Variants in HYCC2 observed in about 807,000 individuals in gnomAD.
The protein encoded by HYCC2 is hyccin PI4KA lipid kinase complex subunit 2.
At chr2:201,012,434 T>C in the HYCC2 span, among the ~76,000 whole-genome samples, 2 of 152,030 alleles carry the variant, frequency 1.3e-5, no homozygotes, top group Non-Finnish European at 2.9e-5. Context: ...CACTCCAGCA[T>C]GGGTGACAGA....
At chr2:200,987,424 A>T in the HYCC2 span, 1 of 1,289,666 alleles carries the variant, frequency 7.8e-7, no homozygotes, top group Non-Finnish European at 1.0e-6. Flanking sequence ...GGTCCTGCGC[A>T]CCAGCACCTC....
chr2:201,043,796 C>T, the HYCC2 span, among the ~76,000 whole-genome samples: 3 of 152,260 alleles, frequency 2.0e-5, no homozygotes, highest in East Asian at 1.9e-4. Context: ...GTGTGAGCCA[C>T]CGCGCCTGGC....
chr2:201,064,053 T>A, the HYCC2 span: 3 of 1,589,246 alleles, frequency 1.9e-6, no homozygotes, highest in African/African-American at 2.7e-5. Context: ...AGATTTTAAT[T>A]AGGAAACAAA....
At chr2:200,981,189 C>A in the HYCC2 span, 2 of 1,482,732 alleles carry the variant, frequency 1.3e-6, no homozygotes, top group Non-Finnish European at 1.8e-6. This position sits in a 1 kb window ranked among gnomAD's most constrained non-coding sequence, Gnocchi z 4.5. Context: ...AATATTTTCA[C>A]AATGTGGGAT....
At chr2:201,038,882 C>A in the HYCC2 span, among the ~76,000 whole-genome samples, 5 of 151,258 alleles carry the variant, frequency 3.3e-5, no homozygotes, top group African/African-American at 1.2e-4. Context: ...TACTCTAAAA[C>A]TTAAAGTATA....
At chr2:201,056,238 C>T in the HYCC2 span, among the ~76,000 whole-genome samples, 3 of 152,088 alleles carry the variant, frequency 2.0e-5, no homozygotes, top group Non-Finnish European at 2.9e-5. Context: ...GCACTGTGCA[C>T]AGTGGAACTC....
the HYCC2 span, among the ~76,000 whole-genome samples, chr2:201,016,179 T>C: frequency 2.6e-5 from 4 of 151,864 alleles, no homozygotes; most frequent in East Asian, 7.7e-4. Flanking sequence ...CAATCAATTA[T>C]AGTAGTTTTA....
the HYCC2 span, among the ~76,000 whole-genome samples, chr2:201,024,923 A>G: frequency 6.6e-6 from 1 of 152,058 alleles, no homozygotes; most frequent in African/African-American, 2.4e-5. Context: ...AGCCTGGGCA[A>G]CATGGTGAGA....
At chr2:201,051,691 G>A in the HYCC2 span, among the ~76,000 whole-genome samples, 10 of 152,248 alleles carry the variant, frequency 6.6e-5, no homozygotes, top group Middle Eastern at 3.4e-3. Flanking sequence ...TAAATAAAGC[G>A]GAGGATATAC....
chr2:201,042,877 G>A, the HYCC2 span, among the ~76,000 whole-genome samples: 2 of 148,504 alleles, frequency 1.3e-5, no homozygotes, highest in Non-Finnish European at 3.0e-5. Flanking sequence ...CTGCCCGGCC[G>A]CCCCGTCTGG....
chr2:200,988,180 A>G, the HYCC2 span: 1 of 1,200,366 alleles, frequency 8.3e-7, no homozygotes, highest in Non-Finnish European at 1.1e-6. Context: ...GGGTCTTTTA[A>G]TATCACGTGC....
chr2:201,069,579 C>CACACACAA, the HYCC2 span, among the ~76,000 whole-genome samples: 161 of 142,466 alleles, frequency 1.1e-3, 1 homozygote, highest in African/African-American at 4.4e-3. Flanking sequence ...CACACACACA[C>CACACACAA]ACACACACAC....
chr2:201,016,511 G>A, the HYCC2 span, among the ~76,000 whole-genome samples: 3 of 151,962 alleles, frequency 2.0e-5, no homozygotes, highest in East Asian at 5.8e-4. Flanking sequence ...AAACTCCTGG[G>A]CTCAAGTGAT....
chr2:200,983,497 C>G, the HYCC2 span, among the ~76,000 whole-genome samples: 7 of 152,262 alleles, frequency 4.6e-5, no homozygotes, highest in African/African-American at 1.7e-4. Context: ...GCAAAAGGCA[C>G]CTTATTATAT....
At chr2:201,016,430 A>G in the HYCC2 span, among the ~76,000 whole-genome samples, 1 of 152,038 alleles carries the variant, frequency 6.6e-6, no homozygotes, top group East Asian at 1.9e-4. Flanking sequence ...CTGGGACTAC[A>G]GGCATATGCC....
chr2:201,050,291 T>C, the HYCC2 span, among the ~76,000 whole-genome samples: 1 of 148,106 alleles, frequency 6.8e-6, no homozygotes, highest in Non-Finnish European at 1.5e-5. Flanking sequence ...TTAAAAAATA[T>C]AAATTAAATT....
chr2:201,023,297 C>T, the HYCC2 span, among the ~76,000 whole-genome samples: 3 of 151,246 alleles, frequency 2.0e-5, no homozygotes, highest in East Asian at 3.9e-4. Context: ...TGCAGTGAGC[C>T]GAGATCGTGC....
the HYCC2 span, chr2:201,062,974 T>C: frequency 1.9e-5 from 24 of 1,281,148 alleles, no homozygotes; most frequent in Non-Finnish European, 2.7e-5. Flanking sequence ...CTGCTATTAC[T>C]ATTAATAGCA....
chr2:201,001,713 G>A, the HYCC2 span, among the ~76,000 whole-genome samples: 1 of 150,990 alleles, frequency 6.6e-6, no homozygotes, highest in Non-Finnish European at 1.5e-5. Context: ...TTGCTCTGCC[G>A]CCAGGCTAGA....
Sources: allele counts gnomAD v4.1 joint callset (sites outside exome capture counted in the v4.1 genomes callset), GRCh38; gene constraint gnomAD v4.1.1; non-coding constraint Gnocchi (gnomAD v3.1); transcripts MANE v1.5; gene names NCBI Gene and HGNC (gene_info 2026-07-23, HGNC 2026-07-21).